Variants in PRKG1 observed in about 807,000 individuals in gnomAD.
PRKG1 encodes the protein protein kinase cGMP-dependent 1.
In PRKG1, 35 loss-of-function variants were observed where a neutral mutation model predicts 88.1. The ratio of observed to expected loss-of-function variants is 0.40; its 90% CI spans 0.30 to 0.53. The LOEUF (loss-of-function observed/expected upper bound fraction) is 0.53, where lower values mean the gene tolerates loss of function less well. PRKG1 is among the 20% of genes least tolerant of loss of function. PRKG1 has a pLI of 0.59. For synonymous variants in PRKG1, 303 were observed against 292.5 expected, an observed-to-expected ratio of 1.04 and a Z score of -0.37; for missense variants, 540 against 839.8, an observed-to-expected ratio of 0.64 and a Z score of 4.41.
chr10:51,388,514 G>T (rs1004873632), intron 2 of PRKG1, among the ~76,000 whole-genome samples: 1 of 152,172 alleles, frequency 6.6e-6, no homozygotes, highest in South Asian at 2.1e-4. Flanking sequence ...CTTACCAAAG[G>T]CCCTATGAAT....
intron 8 of PRKG1, among the ~76,000 whole-genome samples, chr10:52,152,781 C>T (rs1837970367): frequency 6.6e-6 from 1 of 151,952 alleles, no homozygotes; most frequent in Admixed American, 6.6e-5. Flanking sequence ...GCAGTTGAGA[C>T]CCAAAGATAA....
At chr10:51,578,377 A>AT (rs1837941073) in intron 3 of PRKG1, among the ~76,000 whole-genome samples, 1 of 151,964 alleles carries the variant, frequency 6.6e-6, no homozygotes, top group Non-Finnish European at 1.5e-5. Context: ...AAAGATAATC[A>AT]TTTTTCCTTG....
intron 2 of PRKG1, among the ~76,000 whole-genome samples, chr10:51,292,267 T>A (rs542125060): frequency 2.6e-4 from 39 of 152,254 alleles, no homozygotes; most frequent in Middle Eastern, 3.4e-3. Context: ...CTTCCATAAA[T>A]TAGGAAGAAC....
At position 51,926,640 on chromosome 10, in the gene PRKG1, CAGCATTTG is replaced by C. The variant is rs144074600; in HGVS notation, c.762+19072_762+19079del. 5.9e-3 allele frequency among the ~76,000 whole-genome samples: 902 copies of C among 152,062 alleles called. 10 individuals are homozygous for C. The highest frequency in any genetic ancestry group is 0.02 in the African/African-American group (847 of 41,484). On this transcript the variant is annotated intron_variant, in intron 5 of 17. Coordinates refer to ENST00000373980, the MANE Select transcript of PRKG1 (RefSeq NM_006258.4). ...ATTTTTCCAGCGGCTAGAATTGTCA[CAGCATTTG>C]AAAAGCATGAGGAAAGCATTCCTCC...
intron 3 of PRKG1, chr10:51,697,560 A>T: frequency 1.1e-6 from 1 of 873,014 alleles, no homozygotes; most frequent in Non-Finnish European, 1.7e-6. Context: ...AGAAAGAAAA[A>T]GAACAAAAAA....
rs1459895372 is a variant in PRKG1 at position 52,294,139 on chromosome 10, C to A, written c.*239C>A. 7.8e-5 allele frequency: 30 copies of A among 383,298 alleles called. No individual in the cohort carries two copies. The East Asian group carries it at 1.2e-3, about 15-fold the overall frequency. 23.7% of individuals were successfully genotyped at this position (383,298 alleles called of 1,614,324 possible). A position where few individuals can be genotyped will look rare whatever the true frequency, so the allele number is the denominator to read the frequency against. On this transcript the variant is annotated 3_prime_UTR_variant, in exon 18 of 18. Transcript: ENST00000373980. Reference sequence around the variant, plus strand: ...TTGACATGGTGGTCCTGAAGCAAAGCCTTTCACCAGTAAAAGATGTTTTCT... The same window carrying A: ...TTGACATGGTGGTCCTGAAGCAAAGACTTTCACCAGTAAAAGATGTTTTCT...
intron 2 of PRKG1, among the ~76,000 whole-genome samples, chr10:51,347,913 A>G (rs1588867668): frequency 6.8e-6 from 1 of 146,854 alleles, no homozygotes; most frequent in Admixed American, 6.8e-5. Flanking sequence ...TACAAAAAAA[A>G]TTAGCCGGGC....
At chr10:52,166,803 A>ATGTATG (rs1457237153) in intron 9 of PRKG1, among the ~76,000 whole-genome samples, 3 of 25,472 alleles carry the variant, frequency 1.2e-4, no homozygotes, top group Non-Finnish European at 3.7e-4. Context: ...ATATACATAT[A>ATGTATG]TATATGTATA....
At chr10:51,094,242 T>A (rs1844469565) in intron 1 of PRKG1, among the ~76,000 whole-genome samples, 1 of 152,042 alleles carries the variant, frequency 6.6e-6, no homozygotes, top group Non-Finnish European at 1.5e-5. Flanking sequence ...TCCCTTTTAT[T>A]CTTCTTGTAG....
intron 2 of PRKG1, among the ~76,000 whole-genome samples, chr10:51,303,625 C>A (rs1840951883): frequency 6.6e-6 from 1 of 151,958 alleles, no homozygotes; most frequent in Non-Finnish European, 1.5e-5. Context: ...TTAATATAAA[C>A]AGTGAAAGTA....
At chr10:52,050,739 G>T (rs532160421) in intron 5 of PRKG1, among the ~76,000 whole-genome samples, 8 of 152,128 alleles carry the variant, frequency 5.3e-5, no homozygotes, top group South Asian at 2.1e-4. Flanking sequence ...TATATGACAA[G>T]TTGAGTTATG....
At chr10:51,199,898 C>T (rs765976566) in intron 2 of PRKG1, among the ~76,000 whole-genome samples, 22 of 152,176 alleles carry the variant, frequency 1.4e-4, no homozygotes, top group Non-Finnish European at 2.9e-4. Context: ...TGATGATAGT[C>T]CTTTCCTAAA....
chr10:51,489,232 C>T (rs1289971015), intron 3 of PRKG1, among the ~76,000 whole-genome samples: 1 of 152,088 alleles, frequency 6.6e-6, no homozygotes, highest in Non-Finnish European at 1.5e-5. Context: ...AAAATATATG[C>T]TATCACAGGA....
intron 4 of PRKG1, among the ~76,000 whole-genome samples, chr10:51,815,437 C>A (rs528218654): frequency 6.6e-6 from 1 of 152,048 alleles, no homozygotes; most frequent in African/African-American, 2.4e-5. Context: ...GGGATCCCAG[C>A]AACATAGATT....
At chr10:51,748,654 G>A (rs1450365052) in intron 3 of PRKG1, among the ~76,000 whole-genome samples, 1 of 152,136 alleles carries the variant, frequency 6.6e-6, no homozygotes, top group Non-Finnish European at 1.5e-5. Context: ...TTAATTGGAT[G>A]TTTAAGCCAA....
At position 51,285,150 on chromosome 10, in the gene PRKG1, G is replaced by GT. The variant is rs1379365805; in HGVS notation, c.478+131826dup. Among the ~76,000 whole-genome samples, 3 of 146,580 alleles carry GT rather than the reference G, an allele frequency of 2.0e-5. No individual in the cohort carries two copies. In the East Asian group the frequency reaches 6.0e-4, roughly 30 times the overall value. Reference sequence around the variant, plus strand: ...TATGAGTGAGAATATGCGGTGTTTGGTTTTTTGTTCTTGCGATAGTTTACT... The same window carrying GT: ...TATGAGTGAGAATATGCGGTGTTTGGTTTTTTTGTTCTTGCGATAGTTTACT... On this transcript the variant is annotated intron_variant, in intron 2 of 17. Transcript: ENST00000373980.
intron 1 of PRKG1, among the ~76,000 whole-genome samples, chr10:51,113,428 C>T (rs894438723): frequency 1.3e-5 from 2 of 152,232 alleles, no homozygotes; most frequent in South Asian, 4.1e-4. Context: ...ACCAATGAAA[C>T]CAACCAGAGC....
chr10:52,280,435 G>T (rs1393353215), intron 12 of PRKG1, among the ~76,000 whole-genome samples: 1 of 152,062 alleles, frequency 6.6e-6, no homozygotes, highest in South Asian at 2.1e-4. Context: ...CTCTAAAATA[G>T]GATTATTTTT....
chr10:51,570,144 A>G (rs530686066), intron 3 of PRKG1, among the ~76,000 whole-genome samples: 19 of 150,640 alleles, frequency 1.3e-4, no homozygotes, highest in Non-Finnish European at 2.4e-4. Flanking sequence ...GTATGTATGT[A>G]TATACATACA....
Sources: gnomAD v4.1 joint callset for allele counts (sites outside exome capture counted in the v4.1 genomes callset) on GRCh38, gnomAD v4.1.1 for gene constraint, MANE v1.5 for transcripts, NCBI Gene and HGNC (gene_info 2026-07-23, HGNC 2026-07-21) for gene names.